SGCG: variants seen among roughly 807,000 people sequenced by gnomAD.
SGCG encodes sarcoglycan gamma.
Under a neutral mutation model 29.3 loss-of-function variants are expected in SGCG, and 26 were observed. That is an observed-to-expected ratio of 0.89 (90% CI 0.65 to 1.23). The LOEUF (loss-of-function observed/expected upper bound fraction) is 1.23, where lower values mean the gene tolerates loss of function less well. Among genes scored for constraint, SGCG ranks in the 50% most tolerant of loss-of-function variants. The pLI, the probability that SGCG is intolerant of heterozygous loss-of-function variation, is 0.00. For missense variants in SGCG, 353 were observed against 356.0 expected (o/e 0.99, Z 0.07); for synonymous variants, 145 against 129.7 (o/e 1.12, Z -0.80).
chr13:23,288,493 A>T (rs1881586388), intron 5 of SGCG, among the ~76,000 whole-genome samples: 1 of 152,222 alleles, frequency 6.6e-6, no homozygotes, highest in Non-Finnish European at 1.5e-5. Context: ...ACCTCTCTTT[A>T]ATTCTTAAAC....
At chr13:23,160,929 C>T in the SGCG span, among the ~76,000 whole-genome samples, 1 of 152,320 alleles carries the variant, frequency 6.6e-6, no homozygotes, top group African/African-American at 2.4e-5. Context: ...ACTTCACTAA[C>T]TGATCCTCAT....
chr13:23,293,872 C>G (rs568556123), intron 5 of SGCG, among the ~76,000 whole-genome samples: 30 of 151,622 alleles, frequency 2.0e-4, no homozygotes, highest in African/African-American at 7.0e-4. Flanking sequence ...CTCAAAAGAT[C>G]TTTTGCCCAG....
intron 6 of SGCG, among the ~76,000 whole-genome samples, chr13:23,312,017 C>T (rs1882617362): frequency 6.6e-6 from 1 of 152,188 alleles, no homozygotes; most frequent in South Asian, 2.1e-4. Context: ...TCCAAGGTTG[C>T]ATCTGCCACC....
the SGCG span, among the ~76,000 whole-genome samples, chr13:23,163,189 A>G: frequency 2.2e-4 from 34 of 152,338 alleles, no homozygotes; most frequent in African/African-American, 7.0e-4. Context: ...GTAAACTAGC[A>G]TATACATTTC....
chr13:23,314,435 G>GTATATAAGATATATATAAAGGTATATA (rs1197527890), intron 6 of SGCG, among the ~76,000 whole-genome samples: 1 of 112,836 alleles, frequency 8.9e-6, no homozygotes, highest in Non-Finnish European at 1.8e-5. Context: ...AATAAGATAT[G>GTATATAAGATATATATAAAGGTATATA]TATATAAGAT....
chr13:23,211,507 G>C (rs1878211139), intron 2 of SGCG, among the ~76,000 whole-genome samples: 1 of 152,106 alleles, frequency 6.6e-6, no homozygotes, highest in African/African-American at 2.4e-5. Flanking sequence ...TAGAGACCAA[G>C]TGATTAATCA....
At chr13:23,269,566 A>G (rs955675360) in intron 4 of SGCG, among the ~76,000 whole-genome samples, 2 of 152,152 alleles carry the variant, frequency 1.3e-5, no homozygotes, top group Non-Finnish European at 2.9e-5. Context: ...ATGACCACAT[A>G]TATGTTTTCT....
chr13:23,160,714 C>T, the SGCG span, among the ~76,000 whole-genome samples: 1,365 of 152,208 alleles, frequency 9.0e-3, 9 homozygotes, highest in African/African-American at 0.03. Context: ...CCTTCCTTCT[C>T]CTCCAACCTC....
chr13:23,320,752 G>A lies in SGCG; in HGVS notation c.694G>A (p.Asp232Asn), dbSNP rs1316200834. 1 of 1,613,628 alleles carries A rather than the reference G, an allele frequency of 6.2e-7. No homozygotes were observed. The highest frequency in any genetic ancestry group is 8.5e-7 in the Non-Finnish European group (1 of 1,179,720). ...AATGGATATTCTTTTTCATAGTAGT[G>A]ATGGAATGGTGAGTTCATTCACAGA... is the stretch of plus-strand genomic sequence containing the variant. ...SQMDILFHSS[D>N]GMLVLDAETV... The change falls in exon 7 of 8, where the codon GAT becomes AAT. Residue 232 changes from aspartate to asparagine, a missense_variant. Coordinates refer to ENST00000218867, the MANE Select transcript of SGCG (RefSeq NM_000231.3).
chr13:23,311,939 T>C (rs1882614673), intron 6 of SGCG, among the ~76,000 whole-genome samples: 2 of 152,168 alleles, frequency 1.3e-5, no homozygotes, highest in Admixed American at 1.3e-4. Flanking sequence ...AGTTCTCTAA[T>C]TTGCTGTAAA....
chr13:23,176,303 T>C (rs1198147605), upstream of SGCG, among the ~76,000 whole-genome samples: 2 of 152,140 alleles, frequency 1.3e-5, no homozygotes, highest in Non-Finnish European at 2.9e-5. Context: ...ACAAAGAGTT[T>C]ATGGTCTGGT....
chr13:23,200,381 G>A (rs9552878), intron 1 of SGCG, among the ~76,000 whole-genome samples: 34,369 of 152,088 alleles, frequency 0.23, 4,196 homozygotes, highest in East Asian at 0.35. Flanking sequence ...CTGAGATCAC[G>A]CCACTGCAGT....
intron 4 of SGCG, among the ~76,000 whole-genome samples, chr13:23,254,122 T>C (rs1880087044): frequency 6.6e-6 from 1 of 152,142 alleles, no homozygotes; most frequent in Non-Finnish European, 1.5e-5. Context: ...CCTGAAGGTG[T>C]GGAAGCAGCT....
chr13:23,214,702 G>A (rs1878359211), intron 2 of SGCG, among the ~76,000 whole-genome samples: 1 of 152,154 alleles, frequency 6.6e-6, no homozygotes, highest in African/African-American at 2.4e-5. Context: ...TGATATTGAT[G>A]CCTTAAACCA....
At chr13:23,324,217 GA>G in intron 7 of SGCG, 150 bp from the exon 8 acceptor site, 1 of 720,230 alleles carries the variant, frequency 1.4e-6, no homozygotes, top group Non-Finnish European at 2.4e-6. Context: ...AAAAGAATCG[GA>G]TAATTACGAA....
chr13:23,314,551 A>G (rs1360388127), intron 6 of SGCG, among the ~76,000 whole-genome samples: 1 of 151,550 alleles, frequency 6.6e-6, no homozygotes, highest in Non-Finnish European at 1.5e-5. Context: ...CTAAAGGAAC[A>G]GAATATTAAG....
the SGCG span, among the ~76,000 whole-genome samples, chr13:23,164,647 T>C: frequency 6.6e-6 from 1 of 152,162 alleles, no homozygotes; most frequent in African/African-American, 2.4e-5. Context: ...GGAACTGGCC[T>C]GTGCAGAGAT....
intron 2 of SGCG, among the ~76,000 whole-genome samples, chr13:23,206,572 T>G (rs1262565501): frequency 6.6e-6 from 1 of 152,214 alleles, no homozygotes; most frequent in Admixed American, 6.5e-5. Context: ...GACATTTAGG[T>G]TTTTTTCCAC....
At chr13:23,223,992 A>G (rs1045808250) in intron 2 of SGCG, among the ~76,000 whole-genome samples, 1 of 152,180 alleles carries the variant, frequency 6.6e-6, no homozygotes, top group African/African-American at 2.4e-5. Context: ...GGGAGATTCA[A>G]TCAAAGGTGT....
Sources: allele counts gnomAD v4.1 joint callset (sites outside exome capture counted in the v4.1 genomes callset), GRCh38; gene constraint gnomAD v4.1.1; transcripts MANE v1.5; gene names NCBI Gene and HGNC (gene_info 2026-07-23, HGNC 2026-07-21).